TMEM151B: variants seen among roughly 807,000 people sequenced by gnomAD.
TMEM151B encodes transmembrane protein 193.
A neutral mutation model predicts 33.0 loss-of-function variants in TMEM151B; 18 were observed. That is an observed-to-expected ratio of 0.55 (90% CI 0.38 to 0.81). The LOEUF (loss-of-function observed/expected upper bound fraction) is 0.81. Among genes scored for constraint, TMEM151B ranks in the 30% least tolerant of loss-of-function variants. The pLI, the probability that TMEM151B is intolerant of heterozygous loss-of-function variation, is 0.00. For synonymous variants in TMEM151B, 354 were observed against 373.6 expected (o/e 0.95, Z 0.61); for missense variants, 672 against 843.4 (o/e 0.80, Z 2.52).
In TMEM151B at chr6:44,275,853, AGCG is replaced by A; in HGVS notation, c.1028_1030del (p.Ser343_Ala344delinsThr). The A allele has an allele frequency of 6.5e-7, 1 of 1,541,946 alleles. No homozygotes were observed. The highest frequency in any genetic ancestry group is 2.0e-5 in the Admixed American group (1 of 50,888). On this transcript the variant is annotated inframe_deletion, in exon 3 of 3. Coordinates refer to ENST00000451188, the MANE Select transcript of TMEM151B (RefSeq NM_001137560.2). ...CCTGGAGGGCCCGGGCTCGGCCAGC[AGCG>A]CAGGCGGTGGCCTCAGCCCCAGCGA...
In TMEM151B at chr6:44,276,203, C is replaced by T; in HGVS notation, c.1377C>T (p.Ala459=). The change falls in exon 3 of 3, where the codon GCC becomes GCT. Residue 459 remains alanine (A), a synonymous_variant. Coordinates refer to ENST00000451188, the MANE Select transcript of TMEM151B (RefSeq NM_001137560.2). ...SALSICASPR[A]GPGPGGGAGC... ...TAAGCATCTGCGCCAGCCCGCGGGC[C>T]GGCCCGGGGCCCGGTGGGGGCGCGG... The T allele has an allele frequency of 7.8e-7, 1 of 1,288,956 alleles. No homozygotes were observed. Among genetic ancestry groups the T allele is most frequent in the Non-Finnish European group, 9.8e-7 (1 of 1,022,358 alleles). 79.8% of individuals were successfully genotyped at this position (1,288,956 alleles called of 1,614,324 possible).
In TMEM151B at chr6:44,279,124, A is replaced by C. The variant is rs1561920001; in HGVS notation, c.*2597A>C. ...CAGTTCTGGAGGCTCTGGGCCAATG[A>C]ATCAGCCCAAGGAGGATGGGCAATG... On this transcript the variant is annotated 3_prime_UTR_variant, in exon 3 of 3. Transcript: ENST00000451188. 1 of 152,282 alleles carries C rather than the reference A, an allele frequency of 6.6e-6. No homozygotes were observed. The highest frequency in any genetic ancestry group is 6.5e-5 in the Admixed American group (1 of 15,290). 9.4% of individuals were successfully genotyped at this position (152,282 alleles called of 1,614,324 possible).
At position 44,275,704 on chromosome 6, in the gene TMEM151B, C is replaced by T. The variant is rs1003638774; in HGVS notation, c.878C>T (p.Pro293Leu). The T allele has an allele frequency of 2.6e-6, 4 of 1,550,058 alleles. No individual in the cohort carries two copies. Among genetic ancestry groups the T allele is most frequent in the African/African-American group, 1.4e-5 (1 of 73,146 alleles). Residue 293 changes from proline to leucine, a missense_variant, in exon 3 of 3, where the codon CCG (proline) becomes CTG (leucine). Physicochemically the swap from Pro to Leu is moderately conservative, Grantham distance 98. Around this residue, in one of 3 missense-constraint regions of TMEM151B, gnomAD observed 285 missense variants for 423.1 expected, o/e 0.67. Coordinates refer to ENST00000451188, the MANE Select transcript of TMEM151B (RefSeq NM_001137560.2). ...GTGGCCTTCCCGGACCCGGCCCGGCCGCCCTGGTACGCCTGCTCGTCGGCC... is the reference window on the plus strand; with the variant it reads ...GTGGCCTTCCCGGACCCGGCCCGGCTGCCCTGGTACGCCTGCTCGTCGGCC... ...FMVAFPDPAR[P>L]PWYACSSAFW...
In TMEM151B at chr6:44,276,691, G is replaced by T; in HGVS notation, c.*164G>T. 14 of 1,251,788 alleles carry T rather than the reference G, an allele frequency of 1.1e-5. No individual in the cohort carries two copies. Among genetic ancestry groups the T allele is most frequent in the Non-Finnish European group, 1.2e-5 (12 of 994,934 alleles). The allele number at this position is 1,251,788 out of a possible 1,614,324, so 77.5% of individuals were successfully genotyped here. On this transcript the variant is annotated 3_prime_UTR_variant, in exon 3 of 3. Coordinates refer to ENST00000451188, the MANE Select transcript of TMEM151B (RefSeq NM_001137560.2). ...AGGCCCGGATGGGGCCGAGACCCCC[G>T]CTGTCCCTGTACATAAAGAGACCGA...
Position 44,276,453 on chromosome 6 carries a change from C to A in TMEM151B, c.1627C>A (p.Arg543=). Reference sequence around the variant, plus strand: ...CTACTTTCCGGTCCTCATCGTCCACCGGCAGGAGGGGTGTCTGGGCCACAG... The same window carrying A: ...CTACTTTCCGGTCCTCATCGTCCACAGGCAGGAGGGGTGTCTGGGCCACAG... ...ALYFPVLIVH[R]QEGCLGHSHR... Residue 543 remains arginine (R), a synonymous_variant, in exon 3 of 3, where the codon CGG becomes AGG. Coordinates refer to ENST00000451188, the MANE Select transcript of TMEM151B (RefSeq NM_001137560.2). The A allele has an allele frequency of 6.7e-7, 1 of 1,490,310 alleles. No homozygotes were observed. Among genetic ancestry groups the A allele is most frequent in the Non-Finnish European group, 8.9e-7 (1 of 1,121,844 alleles). The allele number at this position is 1,490,310 out of a possible 1,614,324, so 92.3% of individuals were successfully genotyped here. A position where few individuals can be genotyped will look rare whatever the true frequency, so the allele number is the denominator to read the frequency against.
rs1782684964 is a variant in TMEM151B at position 44,278,643 on chromosome 6, A to T, written c.*2116A>T. ...CAAGAGGGGAAGGGGGACCTCTATT[A>T]TTATTTTTGCCTGTATTGACCATTT... On this transcript the variant is annotated 3_prime_UTR_variant, in exon 3 of 3. Transcript: ENST00000451188. 6.6e-6 allele frequency: 1 copy of T among 152,032 alleles called. No homozygotes were observed. Among genetic ancestry groups the T allele is most frequent in the South Asian group, 2.1e-4 (1 of 4,830 alleles). The allele number at this position is 152,032 out of a possible 1,614,324, so 9.4% of individuals were successfully genotyped here. A position where few individuals can be genotyped will look rare whatever the true frequency, so the allele number is the denominator to read the frequency against.
At chr6:44,274,339 C>T (rs1262221515) in intron 2 of TMEM151B, among the ~76,000 whole-genome samples, 1 of 152,200 alleles carries the variant, frequency 6.6e-6, no homozygotes, top group African/African-American at 2.4e-5. Context: ...GTGACTTGTC[C>T]AAAGTCTGCT....
chr6:44,275,798 C>T lies in TMEM151B; in HGVS notation c.972C>T (p.Tyr324=). ...LRVLAEYRTA[Y]AHYHVEKLFG... Reference sequence around the variant, plus strand: ...TGCTGGCCGAGTACCGCACGGCCTACGCGCACTACCACGTGGAGAAGCTAT... The same window carrying T: ...TGCTGGCCGAGTACCGCACGGCCTATGCGCACTACCACGTGGAGAAGCTAT... The change falls in exon 3 of 3, where the codon TAC becomes TAT. Residue 324 remains tyrosine (Y), a synonymous_variant. Transcript: ENST00000451188. The T allele has an allele frequency of 3.2e-6, 5 of 1,543,490 alleles. No homozygotes were observed. Among genetic ancestry groups the T allele is most frequent in the Middle Eastern group, 1.7e-4 (1 of 5,988 alleles).
At position 44,278,125 on chromosome 6, in the gene TMEM151B, CAACT is replaced by C. The variant is rs1782664239; in HGVS notation, c.*1599_*1602del. ...TTCAGCCCAGCCAGGCCTGCACCAC[CAACT>C]GTGTGGCCTCCACCTATGCAACATC... On this transcript the variant is annotated 3_prime_UTR_variant, in exon 3 of 3. Transcript: ENST00000451188. The C allele has an allele frequency of 6.4e-6, 1 of 155,450 alleles. No homozygotes were observed. Among genetic ancestry groups the C allele is most frequent in the South Asian group, 2.0e-4 (1 of 4,938 alleles). 9.6% of individuals were successfully genotyped at this position (155,450 alleles called of 1,614,324 possible). A position where few individuals can be genotyped will look rare whatever the true frequency, so the allele number is the denominator to read the frequency against.
Position 44,275,810 on chromosome 6 carries a change from C to A in TMEM151B, c.984C>A (p.His328Gln), listed in dbSNP as rs1480127375. 6.5e-7 allele frequency: 1 copy of A among 1,543,394 alleles called. No homozygotes were observed. Among genetic ancestry groups the A allele is most frequent in the Non-Finnish European group, 8.7e-7 (1 of 1,145,786 alleles). The change falls in exon 3 of 3, where the codon CAC (histidine) becomes CAA (glutamine). Residue 328 changes from histidine to glutamine, a missense_variant. By Grantham distance (24) the His-to-Gln change is conservative. Coordinates refer to ENST00000451188, the MANE Select transcript of TMEM151B (RefSeq NM_001137560.2). ...AEYRTAYAHY[H>Q]VEKLFGLEGP... ...ACCGCACGGCCTACGCGCACTACCACGTGGAGAAGCTATTTGGCCTGGAGG... is the reference window on the plus strand; with the variant it reads ...ACCGCACGGCCTACGCGCACTACCAAGTGGAGAAGCTATTTGGCCTGGAGG...
At chr6:44,271,370 G>GTGGGGGGA (rs1561916707) in intron 1 of TMEM151B, among the ~76,000 whole-genome samples, 7 of 61,114 alleles carry the variant, frequency 1.1e-4, no homozygotes, top group African/African-American at 5.0e-4. Context: ...TGTGTGTGTG[G>GTGGGGGGA]GGGGGGGTGT....
rs1242260977 is a variant in TMEM151B, at chr6:44,270,777, CCGCCGGCGGCGG to C, written c.38_49del (p.Ala13_Gly16del). ...CCTGGCTCGGCCGCGGGAGAGAGCGCCGCCGGCGGCGGCGGCGGCGGTGGCGGCCCCGGGGTC... is the reference window on the plus strand; with the variant it reads ...CCTGGCTCGGCCGCGGGAGAGAGCGCCGGCGGCGGTGGCGGCCCCGGGGTC... On this transcript the variant is annotated inframe_deletion, in exon 1 of 3. Transcript: ENST00000451188. 1.8e-6 allele frequency: 2 copies of C among 1,123,442 alleles called. No homozygotes were observed. The highest frequency in any genetic ancestry group is 2.2e-6 in the Non-Finnish European group (2 of 918,306). 69.6% of individuals were successfully genotyped at this position (1,123,442 alleles called of 1,614,324 possible). A position where few individuals can be genotyped will look rare whatever the true frequency, so the allele number is the denominator to read the frequency against.
Position 44,270,746 on chromosome 6 carries a change from T to TCC in TMEM151B, c.10_11dup (p.Gly5LeufsTer84). On this transcript the variant is annotated frameshift_variant, in exon 1 of 3. Coordinates refer to ENST00000451188, the MANE Select transcript of TMEM151B (RefSeq NM_001137560.2). LOFTEE classifies it high-confidence loss of function. The stretch of plus-strand genomic sequence containing the variant: ...CTCGACGCGCCCCCTCTACGCCATG[T>TCC]CCCCCCCTGGCTCGGCCGCGGGAGA... 1.9e-6 allele frequency: 2 copies of TCC among 1,039,324 alleles called. No homozygotes were observed. Among genetic ancestry groups the TCC allele is most frequent in the Non-Finnish European group, 2.3e-6 (2 of 861,632 alleles). The allele number at this position is 1,039,324 out of a possible 1,614,324, so 64.4% of individuals were successfully genotyped here. A position where few individuals can be genotyped will look rare whatever the true frequency, so the allele number is the denominator to read the frequency against.
chr6:44,272,277 C>T (rs1217491409), intron 1 of TMEM151B, among the ~76,000 whole-genome samples: 1 of 152,140 alleles, frequency 6.6e-6, no homozygotes, highest in Non-Finnish European at 1.5e-5. Flanking sequence ...ATGCCTCTGC[C>T]CTTCTGGATA....
chr6:44,273,533 C>A, intron 2 of TMEM151B, 27 bp downstream of exon 2: 1 of 1,516,080 alleles, frequency 6.6e-7, no homozygotes, highest in Non-Finnish European at 8.9e-7. Context: ...GAGTGCAGGA[C>A]ATTCAACATG....
rs1782538607 is a variant in TMEM151B at position 44,275,392 on chromosome 6, C to G, written c.577-11C>G. 6.7e-7 allele frequency: 1 copy of G among 1,486,860 alleles called. No homozygotes were observed. Among genetic ancestry groups the G allele is most frequent in the Admixed American group, 2.3e-5 (1 of 43,906 alleles). The allele number at this position is 1,486,860 out of a possible 1,614,324, so 92.1% of individuals were successfully genotyped here. A position where few individuals can be genotyped will look rare whatever the true frequency, so the allele number is the denominator to read the frequency against. ...TCCCCGCGACCCCGCCGCCTGCCCC[C>G]CGCGCCGCAGGTCTACCACGAACGC... On this transcript the variant is annotated splice_polypyrimidine_tract_variant and intron_variant, in intron 2 of 2. Transcript: ENST00000451188.
At chr6:44,274,883 C>T (rs535456386) in intron 2 of TMEM151B, among the ~76,000 whole-genome samples, 1 of 152,236 alleles carries the variant, frequency 6.6e-6, no homozygotes, top group East Asian at 1.9e-4. Flanking sequence ...CTTTGGGAGG[C>T]CGAGGCGGGT....
Position 44,276,309 on chromosome 6 carries a change from G to T in TMEM151B, c.1483G>T (p.Val495Phe). The stretch of plus-strand genomic sequence containing the variant: ...CCTGTGGCGCAGCCGCAGCGGGAGC[G>T]TCAACGAGGCCAGCTGCCCCACGGA... ...SCLWRSRSGS[V>F]NEASCPTEQT... Residue 495 changes from valine to phenylalanine, a missense_variant, in exon 3 of 3, where the codon GTC (valine) becomes TTC (phenylalanine). By Grantham distance (50) the Val-to-Phe change is conservative. Coordinates refer to ENST00000451188, the MANE Select transcript of TMEM151B (RefSeq NM_001137560.2). 1 of 1,438,632 alleles carries T rather than the reference G, an allele frequency of 7.0e-7. No individual in the cohort carries two copies. 89.1% of individuals were successfully genotyped at this position (1,438,632 alleles called of 1,614,324 possible).
At chr6:44,270,951 C>G (rs1422699031) in intron 1 of TMEM151B, 74 bp downstream of exon 1, 1 of 975,932 alleles carries the variant, frequency 1.0e-6, no homozygotes, top group Non-Finnish European at 1.2e-6. Context: ...ACGCGTCCCC[C>G]GCTGGTTCCG....
Sources: allele counts gnomAD v4.1 joint callset (sites outside exome capture counted in the v4.1 genomes callset), GRCh38; gene constraint gnomAD v4.1.1; regional missense constraint gnomAD v4.1.1; transcripts MANE v1.5; gene names NCBI Gene and HGNC (gene_info 2026-07-23, HGNC 2026-07-21).